The following CPS1 variants were observed in gnomAD, a reference collection of about 807,000 sequenced individuals.
The protein encoded by CPS1 is carbamoyl-phosphate synthase 1, also known as carbamoyl-phosphate synthase [ammonia], mitochondrial.
A neutral mutation model predicts 174.6 loss-of-function variants in CPS1; 109 were observed. That is an observed-to-expected ratio of 0.62 (90% CI 0.53 to 0.73). CPS1 has a LOEUF of 0.73. Ranked by LOEUF, CPS1 falls within the 30% of genes least tolerant of loss-of-function variation. CPS1 has a pLI of 0.00. For missense variants in CPS1, 1,689 were observed against 1,821.9 expected, an observed-to-expected ratio of 0.93 and a Z score of 1.33; for synonymous variants, 637 against 632.0, an observed-to-expected ratio of 1.01 and a Z score of -0.12.
rs554741876 is a variant in CPS1 at position 210,593,192 on chromosome 2, T to G, written c.1164+236T>G. Reference sequence around the variant, plus strand: ...TAAGAAACCCGAAGCGATGGTATTTTTATTTAAACCCATTATCATTCTAAT... The same window carrying G: ...TAAGAAACCCGAAGCGATGGTATTTGTATTTAAACCCATTATCATTCTAAT... On this transcript the variant is annotated intron_variant, in intron 11 of 37. Coordinates refer to ENST00000233072, the MANE Select transcript of CPS1 (RefSeq NM_001875.5). 2.0e-5 allele frequency among the ~76,000 whole-genome samples: 3 copies of G among 152,116 alleles called. No individual in the cohort carries two copies. In the South Asian group the frequency reaches 6.2e-4, roughly 32 times the overall value.
intron 1 of CPS1, among the ~76,000 whole-genome samples, chr2:210,486,535 A>C (rs926873386): frequency 6.6e-6 from 1 of 151,942 alleles, no homozygotes; most frequent in Non-Finnish European, 1.5e-5. Flanking sequence ...TTTGAGATGG[A>C]GTTTCACTCC....
intron 1 of CPS1, among the ~76,000 whole-genome samples, chr2:210,572,088 CG>C (rs1345970113): frequency 6.6e-6 from 1 of 151,768 alleles, no homozygotes; most frequent in African/African-American, 2.4e-5. Context: ...TCAGGAAATT[CG>C]ACTCATGGCC....
intron 2 of CPS1, among the ~76,000 whole-genome samples, chr2:210,575,761 C>A (rs887521403): frequency 1.3e-5 from 2 of 151,742 alleles, no homozygotes; most frequent in Non-Finnish European, 2.9e-5. Context: ...TTTTAAAAAT[C>A]AACTTTATTG....
intron 1 of CPS1, among the ~76,000 whole-genome samples, chr2:210,546,264 G>A (rs920699191): frequency 2.0e-5 from 3 of 152,040 alleles, no homozygotes; most frequent in African/African-American, 7.2e-5. Context: ...AGAGGTCATG[G>A]TTGTTACTCT....
chr2:210,600,195 G>A (rs541927087), intron 14 of CPS1, among the ~76,000 whole-genome samples: 10 of 151,708 alleles, frequency 6.6e-5, no homozygotes, highest in African/African-American at 1.7e-4. Context: ...TTTTAGCCCA[G>A]GTAGGTACTC....
At chr2:210,530,567 G>T (rs548485239) in intron 1 of CPS1, among the ~76,000 whole-genome samples, 5 of 152,166 alleles carry the variant, frequency 3.3e-5, no homozygotes, top group African/African-American at 1.2e-4. Flanking sequence ...ATAAAACAAT[G>T]TTGAGGTGGG....
intron 1 of CPS1, among the ~76,000 whole-genome samples, chr2:210,533,428 A>T (rs1445448323): frequency 6.6e-6 from 1 of 152,206 alleles, no homozygotes; most frequent in African/African-American, 2.4e-5. Context: ...CACAGATAAT[A>T]TCATTATTCT....
intron 21 of CPS1, among the ~76,000 whole-genome samples, chr2:210,627,941 G>A (rs1371354031): frequency 6.6e-6 from 1 of 151,854 alleles, no homozygotes; most frequent in African/African-American, 2.4e-5. Flanking sequence ...TTACCTTCTT[G>A]GTGTTGTGCT....
intron 33 of CPS1, among the ~76,000 whole-genome samples, chr2:210,665,418 G>A (rs543062517): frequency 3.7e-4 from 56 of 150,784 alleles, no homozygotes; most frequent in African/African-American, 1.3e-3. Context: ...CTGGTGTGCT[G>A]CAGCCATTAA....
chr2:210,642,660 C>G lies in CPS1; in HGVS notation c.3136C>G (p.Gln1046Glu), dbSNP rs1700265109. Reference protein sequence around the residue: ...SLERILDIYHQEACGGCIISV... With the variant: ...SLERILDIYHEEACGGCIISV... Reference sequence around the variant, plus strand: ...GGAGAGAATCCTAGACATCTACCATCAGGAGGTAAGAAAAGAAAAACAGAA... The same window carrying G: ...GGAGAGAATCCTAGACATCTACCATGAGGAGGTAAGAAAAGAAAAACAGAA... The change falls in exon 25 of 38, where the codon CAG (glutamine) becomes GAG (glutamate). Residue 1046 changes from glutamine (Q) to glutamate (E), a missense_variant. Physicochemically the swap from Gln to Glu is conservative, Grantham distance 29 (BLOSUM62 2). Coordinates refer to ENST00000233072, the MANE Select transcript of CPS1 (RefSeq NM_001875.5). 3 of 1,613,106 alleles carry G rather than the reference C, an allele frequency of 1.9e-6. No homozygotes were observed. The highest frequency in any genetic ancestry group is 3.3e-5 in the Admixed American group (2 of 59,906).
intron 1 of CPS1, among the ~76,000 whole-genome samples, chr2:210,530,023 T>C (rs1429556350): frequency 1.3e-5 from 2 of 152,098 alleles, no homozygotes; most frequent in Non-Finnish European, 2.9e-5. Flanking sequence ...TTTCAACTTG[T>C]AGACCTTAAA....
Position 210,524,379 on chromosome 2 carries a change from C to T in CPS1, c.4-32340C>T, listed in dbSNP as rs115219486. Among the ~76,000 whole-genome samples, 702 of 151,918 alleles carry T rather than the reference C, an allele frequency of 4.6e-3. 2 individuals carry two copies. The highest frequency in any genetic ancestry group is 6.9e-3 in the Non-Finnish European group (470 of 67,938). On this transcript the variant is annotated intron_variant, in intron 1 of 38. Coordinates refer to the CPS1 transcript ENST00000430249. ...TAACTTAACTAATATTTATTGAATG[C>T]GTACTGTATGCTAGTTAATATTATA...
intron 21 of CPS1, among the ~76,000 whole-genome samples, chr2:210,625,634 A>AG (rs1251361535): frequency 1.3e-5 from 2 of 152,088 alleles, no homozygotes; most frequent in Non-Finnish European, 2.9e-5. Context: ...TGGGAGCCAA[A>AG]GGAAGAAGGA....
chr2:210,515,654 T>A (rs1695662522), intron 1 of CPS1, among the ~76,000 whole-genome samples: 1 of 151,788 alleles, frequency 6.6e-6, no homozygotes, highest in Non-Finnish European at 1.5e-5. Flanking sequence ...GAACCCACTT[T>A]TAGTTTTGTT....
chr2:210,518,885 T>C (rs1460183699), intron 1 of CPS1, among the ~76,000 whole-genome samples: 2 of 152,002 alleles, frequency 1.3e-5, no homozygotes, highest in Admixed American at 6.6e-5. Context: ...TTTACCAAAT[T>C]CAGCTCATTA....
chr2:210,532,383 CT>C (rs1224737635), intron 1 of CPS1, among the ~76,000 whole-genome samples: 1 of 152,114 alleles, frequency 6.6e-6, no homozygotes, highest in African/African-American at 2.4e-5. Flanking sequence ...ACCTGATAAA[CT>C]ACTATATGAA....
intron 1 of CPS1, among the ~76,000 whole-genome samples, chr2:210,522,474 G>T (rs911137796): frequency 2.0e-5 from 3 of 151,866 alleles, no homozygotes; most frequent in African/African-American, 7.2e-5. Flanking sequence ...AAGGCCAAGA[G>T]AATTGCATTT....
chr2:210,668,076 ATGTGTGTG>A (rs3217217), intron 33 of CPS1, 102 bp from the exon 34 acceptor site: 3 of 664,074 alleles, frequency 4.5e-6, no homozygotes, highest in African/African-American at 3.7e-5. Context: ...TTGTGCGTGC[ATGTGTGTG>A]TGTGTGTGTG....
chr2:210,497,245 A>C (rs566104212), intron 1 of CPS1, among the ~76,000 whole-genome samples: 5 of 152,210 alleles, frequency 3.3e-5, no homozygotes, highest in Non-Finnish European at 5.9e-5. Flanking sequence ...AGAAGAATTT[A>C]TCCTTATATC....
Sources: gnomAD v4.1 joint callset for allele counts (sites outside exome capture counted in the v4.1 genomes callset) on GRCh38, gnomAD v4.1.1 for gene constraint, MANE v1.5 for transcripts, NCBI Gene and HGNC (gene_info 2026-07-23, HGNC 2026-07-21) for gene names.